Variants in FNDC3B observed in about 807,000 individuals in gnomAD.
FNDC3B encodes fibronectin type III domain-containing protein 3B.
Under a neutral mutation model 151.5 loss-of-function variants are expected in FNDC3B, and 12 were observed. That is an observed-to-expected ratio of 0.08 (90% confidence interval 0.05 to 0.13). The LOEUF (loss-of-function observed/expected upper bound fraction) is 0.13. Ranked by LOEUF, FNDC3B falls within the 10% of genes least tolerant of loss-of-function variation. The pLI is 1.00. For synonymous variants in FNDC3B, 528 were observed against 549.0 expected, an observed-to-expected ratio of 0.96 and a Z score of 0.54; for missense variants, 1,214 against 1,505.3, an observed-to-expected ratio of 0.81 and a Z score of 3.20.
At chr3:172,393,201 C>T (rs1483562610) in intron 25 of FNDC3B, among the ~76,000 whole-genome samples, 1 of 152,052 alleles carries the variant, frequency 6.6e-6, no homozygotes, top group Non-Finnish European at 1.5e-5. Context: ...GAAAAAGATA[C>T]TCCATGCAAA....
At chr3:172,109,164 CTTTTT>C (rs398052444) in intron 1 of FNDC3B, among the ~76,000 whole-genome samples, 2 of 120,056 alleles carry the variant, frequency 1.7e-5, no homozygotes. Context: ...GCCTTGGATT[CTTTTT>C]TTTTTTTTTT....
At chr3:172,041,457 TCTC>T (rs1278764104) in intron 1 of FNDC3B, among the ~76,000 whole-genome samples, 4 of 145,510 alleles carry the variant, frequency 2.7e-5, no homozygotes, top group South Asian at 4.4e-4. Context: ...TTCCTTCTCT[TCTC>T]CTCCTCCTCC....
intron 4 of FNDC3B, among the ~76,000 whole-genome samples, chr3:172,240,150 C>T (rs1363955128): frequency 6.6e-6 from 1 of 152,100 alleles, no homozygotes; most frequent in South Asian, 2.1e-4. Flanking sequence ...GGATTACAGG[C>T]GTGAGCCACC....
chr3:172,189,764 G>A (rs191680440), intron 3 of FNDC3B, among the ~76,000 whole-genome samples: 1 of 122,894 alleles, frequency 8.1e-6, no homozygotes, highest in African/African-American at 3.2e-5. Flanking sequence ...TTGTGCCACT[G>A]CACAACAGCC....
intron 1 of FNDC3B, among the ~76,000 whole-genome samples, chr3:172,077,269 A>AT (rs763154299): frequency 1.3e-5 from 2 of 151,970 alleles, no homozygotes; most frequent in African/African-American, 2.4e-5. Flanking sequence ...AACTAGTCTG[A>AT]TTTTTTTTCC....
intron 7 of FNDC3B, among the ~76,000 whole-genome samples, 170 bp from the exon 8 acceptor site, chr3:172,295,193 C>T (rs1049049471): frequency 1.3e-5 from 2 of 152,190 alleles, no homozygotes; most frequent in African/African-American, 4.8e-5. Context: ...GTTGCAAGAA[C>T]CATATTTTGG....
chr3:172,213,308 C>T (rs955132163), intron 3 of FNDC3B, among the ~76,000 whole-genome samples: 2 of 152,164 alleles, frequency 1.3e-5, no homozygotes, highest in Non-Finnish European at 2.9e-5. Flanking sequence ...GCCAAAGGTG[C>T]GTCTCATTGG....
At chr3:172,124,777 A>G (rs6787115) in intron 2 of FNDC3B, among the ~76,000 whole-genome samples, 90,059 of 152,094 alleles carry the variant, frequency 0.59, 28,959 homozygotes, top group East Asian at 0.78. Context: ...GTGGCTTTTA[A>G]TGGATATTTT....
At chr3:172,163,777 G>T (rs1722888212) in intron 3 of FNDC3B, among the ~76,000 whole-genome samples, 1 of 152,116 alleles carries the variant, frequency 6.6e-6, no homozygotes, top group South Asian at 2.1e-4. Context: ...TATTCTTGTG[G>T]ATATTTCAGG....
chr3:172,311,119 A>G (rs552813140), intron 11 of FNDC3B, among the ~76,000 whole-genome samples: 5 of 152,238 alleles, frequency 3.3e-5, no homozygotes, highest in African/African-American at 9.6e-5. Context: ...TGCTGAAAGA[A>G]AAAAAGTGGG....
chr3:172,372,099 C>G (rs1027464243), intron 23 of FNDC3B, among the ~76,000 whole-genome samples: 1 of 152,184 alleles, frequency 6.6e-6, no homozygotes, highest in Admixed American at 6.5e-5. Context: ...GGTTATAGAA[C>G]GCACCATTAC....
chr3:172,105,206 A>G (rs1184428547), intron 1 of FNDC3B, among the ~76,000 whole-genome samples: 4 of 152,244 alleles, frequency 2.6e-5, no homozygotes, highest in South Asian at 2.1e-4. Context: ...CCCGGGGTGT[A>G]TGGGGGGAGG....
chr3:172,192,941 T>G (rs2108675511), intron 3 of FNDC3B, among the ~76,000 whole-genome samples: 1 of 152,208 alleles, frequency 6.6e-6, no homozygotes, highest in East Asian at 1.9e-4. Context: ...TCTGAAAGAA[T>G]TTATTATCTG....
chr3:172,135,815 C>G (rs755212085), intron 3 of FNDC3B, among the ~76,000 whole-genome samples: 6 of 152,146 alleles, frequency 3.9e-5, no homozygotes, highest in Non-Finnish European at 7.4e-5. Flanking sequence ...ATAAGAAACC[C>G]TTTATATGAG....
chr3:172,363,684 C>T (rs1415114389), intron 23 of FNDC3B, among the ~76,000 whole-genome samples: 1 of 152,202 alleles, frequency 6.6e-6, no homozygotes, highest in African/African-American at 2.4e-5. Flanking sequence ...TGATACTATT[C>T]TGTTCCTTCA....
intron 4 of FNDC3B, among the ~76,000 whole-genome samples, chr3:172,241,994 C>T (rs1727519040): frequency 6.6e-6 from 1 of 152,230 alleles, no homozygotes; most frequent in African/African-American, 2.4e-5. Context: ...GTAAATACAG[C>T]CATTCGAAAT....
intron 1 of FNDC3B, among the ~76,000 whole-genome samples, chr3:172,062,504 G>T (rs1560389001): frequency 6.6e-6 from 1 of 151,872 alleles, no homozygotes; most frequent in Non-Finnish European, 1.5e-5. Flanking sequence ...GTAGAGATGG[G>T]GTTTCACTGT....
intron 3 of FNDC3B, among the ~76,000 whole-genome samples, chr3:172,215,399 A>G (rs1315670502): frequency 6.6e-6 from 1 of 152,212 alleles, no homozygotes; most frequent in African/African-American, 2.4e-5. Context: ...GAGCAGAGAA[A>G]GCTGGTGAGA....
At chr3:172,233,705 A>G (rs1257587890) in intron 4 of FNDC3B, among the ~76,000 whole-genome samples, 2 of 152,222 alleles carry the variant, frequency 1.3e-5, no homozygotes, top group Non-Finnish European at 2.9e-5. Flanking sequence ...GAAAATGATA[A>G]CAGAAAGGCA....
Sources: gnomAD v4.1 joint callset for allele counts (sites outside exome capture counted in the v4.1 genomes callset) on GRCh38, gnomAD v4.1.1 for gene constraint, MANE v1.5 for transcripts, NCBI Gene and HGNC (gene_info 2026-07-23, HGNC 2026-07-21) for gene names.